Variants in NEK10 observed in about 807,000 individuals in gnomAD.
NEK10 encodes the protein NIMA related kinase 10.
Under a neutral mutation model 159.8 loss-of-function variants are expected in NEK10, and 122 were observed. The observed-to-expected ratio is 0.76, with a 90% CI of 0.66 to 0.89. The LOEUF is 0.89. Among genes scored for constraint, NEK10 ranks in the 40% least tolerant of loss-of-function variants. The probability of loss-of-function intolerance (pLI) is 0.00; values close to 1 mark genes in which losing one functional copy is unlikely to be tolerated. For missense variants in NEK10, 1,342 were observed against 1,323.1 expected (o/e 1.01, Z -0.22); for synonymous variants, 466 against 457.1 (o/e 1.02, Z -0.25).
At chr3:27,237,936 C>T (rs1407577901) in intron 23 of NEK10, among the ~76,000 whole-genome samples, 1 of 152,048 alleles carries the variant, frequency 6.6e-6, no homozygotes, top group Non-Finnish European at 1.5e-5. Flanking sequence ...CTTTCCGCAC[C>T]CTCAAGAGTA....
At chr3:27,352,070 G>A (rs1451643785) in intron 3 of NEK10, among the ~76,000 whole-genome samples, 1 of 152,118 alleles carries the variant, frequency 6.6e-6, no homozygotes, top group East Asian at 1.9e-4. Context: ...CAAGGGGGCA[G>A]GATTGGGAAG....
At chr3:27,254,130 G>T (rs1046086446) in intron 23 of NEK10, among the ~76,000 whole-genome samples, 3 of 152,146 alleles carry the variant, frequency 2.0e-5, no homozygotes, top group African/African-American at 7.2e-5. Context: ...CCCACGGACC[G>T]CATGTAGCCC....
intron 33 of NEK10, among the ~76,000 whole-genome samples, chr3:27,116,341 T>C (rs1940428641): frequency 6.6e-6 from 1 of 152,120 alleles, no homozygotes; most frequent in Non-Finnish European, 1.5e-5. Flanking sequence ...GGCATGGGCA[T>C]CACAAAATGA....
intron 23 of NEK10, among the ~76,000 whole-genome samples, chr3:27,203,283 C>T (rs879413430): frequency 1.3e-5 from 2 of 152,142 alleles, no homozygotes; most frequent in African/African-American, 2.4e-5. Context: ...TGGAAAAAAA[C>T]TGACTGATAG....
chr3:27,233,800 G>T (rs1245766434), intron 23 of NEK10, among the ~76,000 whole-genome samples: 1 of 151,958 alleles, frequency 6.6e-6, no homozygotes, highest in African/African-American at 2.4e-5. Context: ...ACTAAAACCT[G>T]GCAGAGATAC....
intron 10 of NEK10, among the ~76,000 whole-genome samples, chr3:27,308,449 A>G (rs2044416689): frequency 6.6e-6 from 1 of 152,152 alleles, no homozygotes; most frequent in Admixed American, 6.6e-5. Flanking sequence ...AACAAAAGGA[A>G]TCATATGTTA....
At chr3:27,276,418 T>C (rs747248652) in intron 22 of NEK10, among the ~76,000 whole-genome samples, 4 of 152,000 alleles carry the variant, frequency 2.6e-5, no homozygotes, top group Non-Finnish European at 5.9e-5. Flanking sequence ...GGCAGAGGGA[T>C]GGCATGTTAG....
At chr3:27,286,921 G>C (rs1309051848) in intron 20 of NEK10, among the ~76,000 whole-genome samples, 1 of 151,962 alleles carries the variant, frequency 6.6e-6, no homozygotes, top group Non-Finnish European at 1.5e-5. Flanking sequence ...TAGGGGAAGG[G>C]AGATGGGTAA....
chr3:27,337,458 T>G (rs1447696338), intron 5 of NEK10, among the ~76,000 whole-genome samples: 1 of 76,940 alleles, frequency 1.3e-5, no homozygotes, highest in Non-Finnish European at 3.0e-5. Flanking sequence ...AAAAAAGAAA[T>G]AAAATTCATA....
intron 26 of NEK10, among the ~76,000 whole-genome samples, chr3:27,185,543 C>A (rs1444999672): frequency 3.3e-5 from 5 of 152,126 alleles, no homozygotes; most frequent in Non-Finnish European, 7.4e-5. Context: ...AGCCCATGAC[C>A]AAGATTTCCA....
At chr3:27,285,440 T>C (rs1482009582) in intron 20 of NEK10, among the ~76,000 whole-genome samples, 1 of 151,796 alleles carries the variant, frequency 6.6e-6, no homozygotes, top group Non-Finnish European at 1.5e-5. Context: ...AATTTTACAC[T>C]GGAATAATGC....
chr3:27,366,062 CTTAT>C (rs1490974652), intron 1 of NEK10, among the ~76,000 whole-genome samples: 1 of 152,128 alleles, frequency 6.6e-6, no homozygotes, highest in East Asian at 1.9e-4. Context: ...TCCTGCTTTA[CTTAT>C]TTCTCTCCTT....
At chr3:27,297,339 A>AT (rs1446307584) in intron 13 of NEK10, 99 bp from the exon 14 acceptor site, 3 of 785,246 alleles carry the variant, frequency 3.8e-6, no homozygotes, top group Admixed American at 4.7e-5. Flanking sequence ...TTATTTTGCT[A>AT]TTTTTATTAG....
Position 27,162,224 on chromosome 3 carries a change from C to T in NEK10, c.2869+477G>A, listed in dbSNP as rs139107563. On this transcript the variant is annotated intron_variant, in intron 30 of 35. Transcript: ENST00000691995. The stretch of plus-strand genomic sequence containing the variant: ...GGTCAACTGGTTAACATTCCCGCCA[C>T]GGCAGAAATGCAAATTTTGGAAAAA... 4,812 of 587,022 alleles carry T rather than the reference C, an allele frequency of 8.2e-3. 32 individuals carry two copies. The highest frequency in any genetic ancestry group is 0.011 in the Non-Finnish European group (3,826 of 360,952). The allele number at this position is 587,022 out of a possible 1,614,324, so 36.4% of individuals were successfully genotyped here.
intron 6 of NEK10, among the ~76,000 whole-genome samples, chr3:27,320,283 G>T (rs2045526177): frequency 6.6e-6 from 1 of 152,164 alleles, no homozygotes; most frequent in Non-Finnish European, 1.5e-5. Flanking sequence ...AAAAAAGACA[G>T]AACTTCAGAT....
intron 23 of NEK10, among the ~76,000 whole-genome samples, chr3:27,237,516 C>T (rs1009510103): frequency 2.6e-5 from 4 of 152,086 alleles, no homozygotes; most frequent in African/African-American, 4.8e-5. Context: ...GTTCCTCTGC[C>T]GTGGCTCCAG....
chr3:27,212,969 A>C (rs1455870852), intron 23 of NEK10, among the ~76,000 whole-genome samples: 1 of 152,206 alleles, frequency 6.6e-6, no homozygotes, highest in African/African-American at 2.4e-5. Flanking sequence ...TATGACAGGA[A>C]ATATCCTCTC....
At chr3:27,119,547 T>G (rs1348557662) in intron 33 of NEK10, among the ~76,000 whole-genome samples, 1 of 152,204 alleles carries the variant, frequency 6.6e-6, no homozygotes. Context: ...GTTTATGATA[T>G]TAATAAATGA....
intron 29 of NEK10, among the ~76,000 whole-genome samples, chr3:27,168,296 T>C (rs1946660617): frequency 6.6e-6 from 1 of 151,986 alleles, no homozygotes; most frequent in South Asian, 2.1e-4. Context: ...ACAGGCTTGA[T>C]TTTCAATTTA....
Sources: allele counts gnomAD v4.1 joint callset (sites outside exome capture counted in the v4.1 genomes callset), GRCh38; gene constraint gnomAD v4.1.1; transcripts MANE v1.5; gene names NCBI Gene and HGNC (gene_info 2026-07-23, HGNC 2026-07-21).